The following CNTNAP5 variants were observed in gnomAD, a reference collection of about 807,000 sequenced individuals.
CNTNAP5 encodes contactin associated protein family member 5.
In CNTNAP5, 72 loss-of-function variants were observed where a neutral mutation model predicts 150.2. The ratio of observed to expected loss-of-function variants is 0.48; its 90% confidence interval spans 0.40 to 0.58. The LOEUF (loss-of-function observed/expected upper bound fraction) is 0.58, where lower values mean the gene tolerates loss of function less well. CNTNAP5 is among the 20% of genes least tolerant of loss of function. The pLI, the probability that CNTNAP5 is intolerant of heterozygous loss-of-function variation, is 0.00. For missense variants in CNTNAP5, 1,636 were observed against 1,626.2 expected (o/e 1.01, Z -0.10); for synonymous variants, 672 against 619.8 (o/e 1.08, Z -1.25).
intron 1 of CNTNAP5, among the ~76,000 whole-genome samples, chr2:124,191,453 A>G (rs1190201391): frequency 6.6e-6 from 1 of 152,176 alleles, no homozygotes; most frequent in Admixed American, 6.5e-5. Flanking sequence ...AAAGCCTTCC[A>G]TTCCTTGAAA....
At chr2:124,381,254 C>CAGGAT (rs2104737935) in intron 3 of CNTNAP5, among the ~76,000 whole-genome samples, 1 of 152,236 alleles carries the variant, frequency 6.6e-6, no homozygotes, top group Admixed American at 6.5e-5. Context: ...CAAATCAGAA[C>CAGGAT]AGGATACCAA....
At chr2:124,895,205 C>T (rs1256796368) in intron 21 of CNTNAP5, among the ~76,000 whole-genome samples, 1 of 151,446 alleles carries the variant, frequency 6.6e-6, no homozygotes, top group Non-Finnish European at 1.5e-5. Context: ...TTTTATCTGT[C>T]AGTATGTGTG....
intron 1 of CNTNAP5, among the ~76,000 whole-genome samples, chr2:124,122,884 A>G (rs1418956112): frequency 6.6e-6 from 1 of 151,020 alleles, no homozygotes; most frequent in Admixed American, 6.6e-5. Flanking sequence ...AGGTCTAGTG[A>G]TAAGAAAAAA....
intron 14 of CNTNAP5, among the ~76,000 whole-genome samples, chr2:124,748,859 T>G (rs1680662293): frequency 6.6e-6 from 1 of 152,176 alleles, no homozygotes. Flanking sequence ...TGCCTCTTCA[T>G]GTGGGTAAAA....
intron 8 of CNTNAP5, among the ~76,000 whole-genome samples, chr2:124,507,596 G>C (rs1270745943): frequency 6.6e-6 from 1 of 152,174 alleles, no homozygotes; most frequent in African/African-American, 2.4e-5. Flanking sequence ...AGCCATACAG[G>C]TATCAGCCCT....
intron 3 of CNTNAP5, among the ~76,000 whole-genome samples, chr2:124,400,174 A>G (rs1691369692): frequency 6.6e-6 from 1 of 151,844 alleles, no homozygotes; most frequent in Non-Finnish European, 1.5e-5. Context: ...ACAAGGATTT[A>G]TGGGCCACCT....
intron 1 of CNTNAP5, among the ~76,000 whole-genome samples, chr2:124,177,916 G>A (rs1218469453): frequency 2.0e-5 from 3 of 149,852 alleles, no homozygotes; most frequent in East Asian, 2.0e-4. Context: ...GCATGGTCTC[G>A]TCTCACTGCA....
At chr2:124,350,118 G>A (rs971871447) in intron 3 of CNTNAP5, among the ~76,000 whole-genome samples, 2 of 151,670 alleles carry the variant, frequency 1.3e-5, no homozygotes, top group African/African-American at 2.4e-5. Flanking sequence ...TCTTAACCTC[G>A]TGATCCGCCC....
chr2:124,656,001 AGG>A (rs1491257647), intron 13 of CNTNAP5, among the ~76,000 whole-genome samples: 18 of 148,900 alleles, frequency 1.2e-4, no homozygotes, highest in African/African-American at 2.0e-4. Flanking sequence ...GAAAGAAAAA[AGG>A]AAGGAAGGAA....
chr2:124,271,602 A>G (rs1687752952), intron 3 of CNTNAP5, among the ~76,000 whole-genome samples: 1 of 152,176 alleles, frequency 6.6e-6, no homozygotes, highest in Admixed American at 6.6e-5. Context: ...TTTTCATCAG[A>G]AAAACTTTGG....
At position 124,073,201 on chromosome 2, in the gene CNTNAP5, A is replaced by C. The variant is rs375340322; in HGVS notation, c.82+47469A>C. 6.6e-5 allele frequency among the ~76,000 whole-genome samples: 10 copies of C among 152,204 alleles called. No homozygotes were observed. The East Asian group carries it at 1.9e-3, about 29-fold the overall frequency. Reference sequence around the variant, plus strand: ...ATCTCTATCCCTCACCATACGCAAAAAATCCAATCAAAATGAATTAAAGCC... The same window carrying C: ...ATCTCTATCCCTCACCATACGCAAACAATCCAATCAAAATGAATTAAAGCC... On this transcript the variant is annotated intron_variant, in intron 1 of 23. Coordinates refer to ENST00000682447, the MANE Select transcript of CNTNAP5 (RefSeq NM_001367498.1).
At chr2:124,599,282 A>T (rs528717493) in intron 11 of CNTNAP5, among the ~76,000 whole-genome samples, 1 of 152,192 alleles carries the variant, frequency 6.6e-6, no homozygotes, top group South Asian at 2.1e-4. Context: ...TCAATACCAC[A>T]TGTAATTTTT....
chr2:124,203,679 G>A (rs1462201680), intron 1 of CNTNAP5, among the ~76,000 whole-genome samples: 1 of 152,200 alleles, frequency 6.6e-6, no homozygotes, highest in Non-Finnish European at 1.5e-5. Flanking sequence ...GATGTGAGCT[G>A]CCAAGACTTG....
At chr2:124,106,043 C>T (rs1304605252) in intron 1 of CNTNAP5, among the ~76,000 whole-genome samples, 6 of 151,824 alleles carry the variant, frequency 4.0e-5, no homozygotes, top group South Asian at 2.1e-4. Flanking sequence ...TTGAAATCTA[C>T]GATTACTTTA....
At chr2:124,521,115 T>C (rs1186743666) in intron 8 of CNTNAP5, among the ~76,000 whole-genome samples, 1 of 152,132 alleles carries the variant, frequency 6.6e-6, no homozygotes. Flanking sequence ...ACACCTCCAA[T>C]GACATGGCTC....
At chr2:124,474,007 G>A (rs1024024820) in intron 6 of CNTNAP5, among the ~76,000 whole-genome samples, 4 of 151,934 alleles carry the variant, frequency 2.6e-5, no homozygotes, top group Non-Finnish European at 5.9e-5. Context: ...AACCGCAGTT[G>A]CTTTTGCCTC....
chr2:124,885,849 T>A lies in CNTNAP5; in HGVS notation c.3436+16087T>A, dbSNP rs192074762. Among the ~76,000 whole-genome samples the A allele has an allele frequency of 3.5e-3, 527 of 152,208 alleles. 4 individuals are homozygous for A. Among genetic ancestry groups the A allele is most frequent in the African/African-American group, 0.011 (447 of 41,528 alleles). ...TGTATGCATATGTCAGGGTGTTTTT[T>A]AAAAAATCTATTGTCCTTTGATGAA... On this transcript the variant is annotated intron_variant, in intron 21 of 23. Coordinates refer to ENST00000682447, the MANE Select transcript of CNTNAP5 (RefSeq NM_001367498.1).
chr2:124,030,240 CA>C (rs1322368709), intron 1 of CNTNAP5, among the ~76,000 whole-genome samples: 1 of 152,086 alleles, frequency 6.6e-6, no homozygotes, highest in African/African-American at 2.4e-5. Flanking sequence ...CATTGTAAAG[CA>C]ATTATAATTA....
At chr2:124,638,231 A>ATATATATGATACATATATATGATACT (rs1678013859) in intron 12 of CNTNAP5, among the ~76,000 whole-genome samples, 1 of 122,920 alleles carries the variant, frequency 8.1e-6, no homozygotes, top group Admixed American at 8.2e-5. Context: ...TATATGATAC[A>ATATATATGATACATATATATGATACT]TATATATGTA....
Sources: allele counts gnomAD v4.1 joint callset (sites outside exome capture counted in the v4.1 genomes callset), GRCh38; gene constraint gnomAD v4.1.1; transcripts MANE v1.5; gene names NCBI Gene and HGNC (gene_info 2026-07-23, HGNC 2026-07-21).